The following SVOPL variants were observed in gnomAD, a reference collection of about 807,000 sequenced individuals.
SVOPL encodes the protein putative transporter SVOPL.
Under a neutral mutation model 61.0 loss-of-function variants are expected in SVOPL, and 60 were observed. That is an observed-to-expected ratio of 0.98 (90% CI 0.80 to 1.22). The LOEUF (loss-of-function observed/expected upper bound fraction) is 1.22, where lower values mean the gene tolerates loss of function less well. SVOPL is among the 50% of genes most tolerant of loss of function. The pLI is 0.00. For synonymous variants in SVOPL, 279 were observed against 250.0 expected (o/e 1.12, Z -1.09); for missense variants, 662 against 643.9 (o/e 1.03, Z -0.30).
intron 1 of SVOPL, among the ~76,000 whole-genome samples, chr7:138,691,697 C>T (rs111293725): frequency 1.3e-4 from 20 of 152,166 alleles, no homozygotes; most frequent in African/African-American, 3.1e-4. Context: ...TGCACCACCA[C>T]ACCCAGCTAA....
At chr7:138,605,613 G>C (rs1798721323) in intron 14 of SVOPL, among the ~76,000 whole-genome samples, 1 of 120,772 alleles carries the variant, frequency 8.3e-6, no homozygotes, top group African/African-American at 3.2e-5. Flanking sequence ...AGTGACCCGA[G>C]ATCATACCAC....
intron 13 of SVOPL, among the ~76,000 whole-genome samples, chr7:138,623,824 AT>A (rs928788644): frequency 1.1e-4 from 16 of 150,614 alleles, no homozygotes; most frequent in Admixed American, 6.6e-5. Flanking sequence ...AAAGTCAATA[AT>A]TTTTTTTTTC....
chr7:138,690,055 G>A (rs866698084), intron 1 of SVOPL, among the ~76,000 whole-genome samples: 4 of 152,100 alleles, frequency 2.6e-5, no homozygotes, highest in Non-Finnish European at 4.4e-5. Flanking sequence ...ACCACCAGCA[G>A]CTAGGGGAGA....
chr7:138,678,576 G>A, intron 2 of SVOPL, 51 bp from the exon 3 acceptor site: 1 of 1,515,774 alleles, frequency 6.6e-7, no homozygotes, highest in South Asian at 1.2e-5. Flanking sequence ...GGAAGGGAAT[G>A]CGTGTGGACT....
chr7:138,625,829 C>A, intron 13 of SVOPL, 140 bp downstream of exon 13: 2 of 761,680 alleles, frequency 2.6e-6, no homozygotes, highest in Non-Finnish European at 2.1e-6. Context: ...ATCAAATAAA[C>A]TTCTGGTGTC....
chr7:138,686,449 T>C (rs1370940929), intron 1 of SVOPL, among the ~76,000 whole-genome samples: 1 of 148,846 alleles, frequency 6.7e-6, no homozygotes, highest in East Asian at 2.0e-4. Context: ...AACAGCTGTG[T>C]AGTAGCACAT....
chr7:138,620,472 A>C (rs1799515483), intron 14 of SVOPL, among the ~76,000 whole-genome samples: 1 of 148,694 alleles, frequency 6.7e-6, no homozygotes, highest in Non-Finnish European at 1.5e-5. Flanking sequence ...AAGACTGACA[A>C]GTGCAAAGCA....
chr7:138,641,671 CA>C (rs34649341), intron 9 of SVOPL, among the ~76,000 whole-genome samples: 203 of 101,376 alleles, frequency 2.0e-3, no homozygotes, highest in African/African-American at 7.3e-3. Flanking sequence ...AACTCCATCT[CA>C]AAAAAAAAAA....
At chr7:138,648,646 T>G (rs902028701) in intron 8 of SVOPL, among the ~76,000 whole-genome samples, 1 of 151,704 alleles carries the variant, frequency 6.6e-6, no homozygotes, top group African/African-American at 2.4e-5. Context: ...AGGCGGAGCT[T>G]GCAGTGAGCC....
intron 14 of SVOPL, among the ~76,000 whole-genome samples, chr7:138,599,311 G>A (rs1196818477): frequency 1.3e-5 from 2 of 152,156 alleles, no homozygotes; most frequent in East Asian, 1.9e-4. Flanking sequence ...GGGAGTCAGA[G>A]AGGTTATTTG....
chr7:138,685,032 A>C (rs1366296690), intron 1 of SVOPL, among the ~76,000 whole-genome samples: 2 of 151,510 alleles, frequency 1.3e-5, no homozygotes, highest in East Asian at 3.9e-4. Context: ...TCCTGGGTTC[A>C]AGCGATTCTC....
chr7:138,686,295 T>C (rs950269538), intron 1 of SVOPL, among the ~76,000 whole-genome samples: 2 of 148,344 alleles, frequency 1.3e-5, no homozygotes, highest in East Asian at 2.1e-4. Context: ...CCCAGCTACT[T>C]GGGAGGCTGA....
intron 7 of SVOPL, among the ~76,000 whole-genome samples, chr7:138,651,125 G>C (rs1277801541): frequency 6.6e-6 from 1 of 152,022 alleles, no homozygotes; most frequent in Non-Finnish European, 1.5e-5. Flanking sequence ...GGAACCACCA[G>C]GATCGTTGGA....
intron 1 of SVOPL, among the ~76,000 whole-genome samples, chr7:138,686,210 C>T (rs1484683299): frequency 6.6e-6 from 1 of 151,990 alleles, no homozygotes; most frequent in Non-Finnish European, 1.5e-5. Flanking sequence ...CGAGACCAGC[C>T]TGGCCAACCT....
At chr7:138,644,920 A>G in intron 8 of SVOPL, 75 bp from the exon 9 acceptor site, 2 of 1,573,166 alleles carry the variant, frequency 1.3e-6, no homozygotes, top group South Asian at 2.3e-5. Context: ...ATTGCTCTAT[A>G]CACTACAGTC....
At chr7:138,672,904 CAAAAAA>C (rs71179720) in intron 3 of SVOPL, among the ~76,000 whole-genome samples, 2,094 of 103,706 alleles carry the variant, frequency 0.02, 29 homozygotes, top group Middle Eastern at 0.029. Flanking sequence ...GTTTGTCTCT[CAAAAAA>C]AAAAAAAAAA....
chr7:138,639,792 T>A (rs1800690756), intron 9 of SVOPL, among the ~76,000 whole-genome samples: 1 of 152,094 alleles, frequency 6.6e-6, no homozygotes. Flanking sequence ...CACTGCAGCC[T>A]TGACATCCTA....
intron 14 of SVOPL, 77 bp from the exon 15 acceptor site, chr7:138,596,607 T>C: frequency 6.5e-7 from 1 of 1,542,674 alleles, no homozygotes; most frequent in Non-Finnish European, 8.8e-7. Flanking sequence ...AAAGAGAAAA[T>C]ACAGATTCAC....
intron 4 of SVOPL, among the ~76,000 whole-genome samples, chr7:138,668,460 A>G (rs1435345215): frequency 6.6e-6 from 1 of 152,132 alleles, no homozygotes; most frequent in Non-Finnish European, 1.5e-5. Context: ...GCTCTAGCTC[A>G]ATAAACCTCA....
Sources: gnomAD v4.1 joint callset for allele counts (sites outside exome capture counted in the v4.1 genomes callset) on GRCh38, gnomAD v4.1.1 for gene constraint, MANE v1.5 for transcripts, NCBI Gene and HGNC (gene_info 2026-07-23, HGNC 2026-07-21) for gene names.